Variants in KIF1B observed in about 807,000 individuals in gnomAD.
KIF1B encodes kinesin family member 1B, also known as kinesin-like protein KIF1B.
KIF1B carries 76 observed loss-of-function variants against 241.9 expected under a neutral mutation model. That is an observed-to-expected ratio of 0.31 (90% confidence interval 0.26 to 0.38). KIF1B has a LOEUF of 0.38. Ranked by LOEUF, KIF1B falls within the 10% of genes least tolerant of loss-of-function variation. The pLI is 1.00. For synonymous variants in KIF1B, 750 were observed against 796.7 expected (o/e 0.94, Z 0.99); for missense variants, 1,622 against 2,271.4 (o/e 0.71, Z 5.81).
chr1:10,378,218 C>T lies in KIF1B; in HGVS notation c.*1631C>T. 1 of 682,332 alleles carries T rather than the reference C, an allele frequency of 1.5e-6. No homozygotes were observed. Among genetic ancestry groups the T allele is most frequent in the South Asian group, 1.6e-5 (1 of 62,534 alleles). The allele number at this position is 682,332 out of a possible 1,614,324, so 42.3% of individuals were successfully genotyped here. On this transcript the variant is annotated 3_prime_UTR_variant, in exon 49 of 49. Transcript: ENST00000676179. ...TATGCCTAGGGGCACGGATGAACGT[C>T]CAGGGAGCCCGGGCCCCAGGCTTTG... is the stretch of plus-strand genomic sequence containing the variant.
At chr1:10,221,724 TCA>T (rs1646847644) in intron 1 of KIF1B, among the ~76,000 whole-genome samples, 1 of 152,244 alleles carries the variant, frequency 6.6e-6, no homozygotes, top group Admixed American at 6.5e-5. Flanking sequence ...AAATTATAAT[TCA>T]CACTTTAAAA....
intron 27 of KIF1B, among the ~76,000 whole-genome samples, chr1:10,330,571 A>G (rs1029454030): frequency 2.0e-5 from 3 of 152,068 alleles, no homozygotes; most frequent in Non-Finnish European, 4.4e-5. Flanking sequence ...GTTAATATCC[A>G]TTATGAGGTG....
intron 5 of KIF1B, among the ~76,000 whole-genome samples, chr1:10,264,024 C>T (rs541676175): frequency 2.6e-5 from 4 of 152,302 alleles, no homozygotes; most frequent in African/African-American, 7.2e-5. Flanking sequence ...AAGTTTCTCA[C>T]GTTCTTCAAG....
In KIF1B at chr1:10,334,645, G is replaced by A. The variant is rs759344545; in HGVS notation, c.3043+7G>A. The A allele has an allele frequency of 4.1e-5, 65 of 1,603,860 alleles. No individual in the cohort carries two copies. In the South Asian group the frequency reaches 6.8e-4, roughly 17 times the overall value. On this transcript the variant is annotated splice_region_variant and intron_variant, in intron 28 of 48. Coordinates refer to ENST00000676179, the MANE Select transcript of KIF1B (RefSeq NM_001365951.3). ...GCTGTACAGGCCATCGCAGGTAGGT[G>A]ACCCTCTTCTGAAATGAGAGCTGTG...
intron 8 of KIF1B, among the ~76,000 whole-genome samples, chr1:10,272,032 T>G (rs1648827727): frequency 1.3e-5 from 2 of 152,232 alleles, no homozygotes; most frequent in African/African-American, 4.8e-5. Context: ...CACAAATATC[T>G]CGAAGATACT....
rs538420601 is a variant in KIF1B, at chr1:10,326,386, G to A, written c.2924+27G>A. 5.3e-5 allele frequency: 85 copies of A among 1,613,792 alleles called. 2 individuals carry two copies. The South Asian group carries it at 5.5e-4, about 10-fold the overall frequency. ...TTGGTGAGGTTATTGTGAGAAAGGC[G>A]AAAAGGGACCAGCTCTTGCTCTGAA... On this transcript the variant is annotated intron_variant, in intron 27 of 48. Coordinates refer to ENST00000676179, the MANE Select transcript of KIF1B (RefSeq NM_001365951.3). This position sits in a 1 kb window ranked among gnomAD's most constrained non-coding sequence, Gnocchi z 5.2.
At chr1:10,324,650 C>T in intron 25 of KIF1B, 108 bp from the exon 26 acceptor site, 3 of 1,274,044 alleles carry the variant, frequency 2.4e-6, no homozygotes, top group Non-Finnish European at 3.4e-6. Context: ...GTGGGAGCAA[C>T]TCCTTTTTTT....
Position 10,347,786 on chromosome 1 carries a change from A to G in KIF1B, c.3823A>G (p.Thr1275Ala), listed in dbSNP as rs982405538. Residue 1275 changes from threonine to alanine, a missense_variant, in exon 36 of 49, where the codon ACA becomes GCA. Physicochemically the swap from Thr to Ala is moderately conservative, Grantham distance 58. This residue lies in a region of KIF1B where 803 missense variants were observed against 1,112.0 expected (regional missense o/e 0.72). Coordinates refer to ENST00000676179, the MANE Select transcript of KIF1B (RefSeq NM_001365951.3). ...GEYIPAVVDH[T>A]AGLPCQGTFL... ...GTATATCCCAGCTGTGGTTGACCAC[A>G]CAGCAGGCTTGCCTTGCCAGGGGAC... The G allele has an allele frequency of 5.0e-6, 8 of 1,613,442 alleles. No homozygotes were observed. Among genetic ancestry groups the G allele is most frequent in the Non-Finnish European group, 6.8e-6 (8 of 1,179,416 alleles).
chr1:10,241,355 C>T (rs547565661), intron 2 of KIF1B, among the ~76,000 whole-genome samples: 23 of 152,216 alleles, frequency 1.5e-4, no homozygotes, highest in African/African-American at 5.3e-4. Flanking sequence ...CCTCCTGCCT[C>T]AGCCTCCCAA....
At chr1:10,252,597 A>C (rs1647523459) in intron 2 of KIF1B, among the ~76,000 whole-genome samples, 1 of 151,302 alleles carries the variant, frequency 6.6e-6, no homozygotes, top group Non-Finnish European at 1.5e-5. Context: ...TTTTTTGTGG[A>C]GATGAGATTT....
At chr1:10,225,751 T>G (rs1351758326) in intron 1 of KIF1B, among the ~76,000 whole-genome samples, 13 of 152,298 alleles carry the variant, frequency 8.5e-5, no homozygotes. Flanking sequence ...TGTAAAAGAA[T>G]GTGGCTGGAA....
intron 44 of KIF1B, among the ~76,000 whole-genome samples, chr1:10,370,668 A>G (rs1201826806): frequency 2.0e-5 from 3 of 151,026 alleles, no homozygotes; most frequent in African/African-American, 4.9e-5. Context: ...TAATAATAAT[A>G]ATGACAACAA....
rs1361940781 is a variant in KIF1B at position 10,244,730 on chromosome 1, G to A, written c.107-11517G>A. On this transcript the variant is annotated intron_variant, in intron 2 of 48. Transcript: ENST00000676179. Reference sequence around the variant, plus strand: ...CGGGTTCACGCCATTCTCCTGCCTCGGCCTCCCGAGTAGCTGGGACTACAG... The same window carrying A: ...CGGGTTCACGCCATTCTCCTGCCTCAGCCTCCCGAGTAGCTGGGACTACAG... Among the ~76,000 whole-genome samples the A allele has an allele frequency of 9.3e-5, 14 of 151,042 alleles. No homozygotes were observed. In the South Asian group the frequency reaches 1.0e-3, roughly 11 times the overall value.
chr1:10,228,837 A>C (rs531390638), intron 1 of KIF1B, among the ~76,000 whole-genome samples: 12 of 152,234 alleles, frequency 7.9e-5, no homozygotes, highest in Non-Finnish European at 1.8e-4. Flanking sequence ...ATATCTTAGA[A>C]GTTTCCATAT....
rs1237772586 is a variant in KIF1B at position 10,303,903 on chromosome 1, G to T, written c.2115+6657G>T. On this transcript the variant is annotated intron_variant, in intron 22 of 48. Transcript: ENST00000676179. This position sits in a 1 kb window ranked among gnomAD's most constrained non-coding sequence, Gnocchi z 5.2. ...TTGCAAAAGAAGAACGTGTTTCCCA[G>T]CTGATGAATGGGGATCCAGCTTTTA... is the stretch of plus-strand genomic sequence containing the variant. 1 of 1,614,208 alleles carries T rather than the reference G, an allele frequency of 6.2e-7. No individual in the cohort carries two copies.
At chr1:10,261,563 A>C (rs571308899) in intron 4 of KIF1B, among the ~76,000 whole-genome samples, 84 of 152,228 alleles carry the variant, frequency 5.5e-4, no homozygotes, top group African/African-American at 1.7e-3. Flanking sequence ...TTTTTGAAAA[A>C]AAATTTAAAC....
intron 15 of KIF1B, among the ~76,000 whole-genome samples, chr1:10,284,821 C>CA (rs1348872320): frequency 6.6e-6 from 1 of 151,704 alleles, no homozygotes; most frequent in Non-Finnish European, 1.5e-5. Context: ...AAGATTGCGC[C>CA]AATGCCCTCC....
In KIF1B at chr1:10,363,358, G is replaced by T. The variant is rs1395195578; in HGVS notation, c.4366+14G>T. On this transcript the variant is annotated intron_variant, in intron 41 of 48. Transcript: ENST00000676179. ...CAGGTAGTCCAGGTAAGCTCTTGTG[G>T]ATTGAGGAGGTGATAGTTATCTTTG... is the stretch of plus-strand genomic sequence containing the variant. 1 of 1,600,010 alleles carries T rather than the reference G, an allele frequency of 6.2e-7. No homozygotes were observed. Among genetic ancestry groups the T allele is most frequent in the African/African-American group, 1.3e-5 (1 of 74,576 alleles).
chr1:10,256,505 A>G (rs774884606), intron 3 of KIF1B, among the ~76,000 whole-genome samples, 182 bp downstream of exon 3: 2 of 152,164 alleles, frequency 1.3e-5, no homozygotes, highest in Non-Finnish European at 2.9e-5. Context: ...GTTGATGGAA[A>G]GTTTATGTAC....
Sources: allele counts gnomAD v4.1 joint callset (sites outside exome capture counted in the v4.1 genomes callset), GRCh38; gene constraint gnomAD v4.1.1; regional missense constraint gnomAD v4.1.1; non-coding constraint Gnocchi (gnomAD v3.1); transcripts MANE v1.5; gene names NCBI Gene and HGNC (gene_info 2026-07-23, HGNC 2026-07-21).